The following AFF3 variants were observed in gnomAD, a reference collection of about 807,000 sequenced individuals.
The protein encoded by AFF3 is AF4/FMR2 family member 3.
AFF3 carries 32 observed loss-of-function variants against 129.7 expected under a neutral mutation model. The ratio of observed to expected loss-of-function variants is 0.25; its 90% CI spans 0.19 to 0.33. The LOEUF is 0.33. Among genes scored for constraint, AFF3 ranks in the 10% least tolerant of loss-of-function variants. The pLI is 1.00. For synonymous variants in AFF3, 644 were observed against 635.4 expected (o/e 1.01, Z -0.20); for missense variants, 1,373 against 1,592.0 (o/e 0.86, Z 2.34).
In AFF3 at chr2:99,896,995, C is replaced by T. The variant is rs114054995; in HGVS notation, c.874-59471G>A. Among the ~76,000 whole-genome samples the T allele has an allele frequency of 3.7e-3, 560 of 152,220 alleles. 1 individual carries two copies. The highest frequency in any genetic ancestry group is 0.013 in the African/African-American group (539 of 41,544). The stretch of plus-strand genomic sequence containing the variant: ...TCCCAGGTGTACATGAACTGTTTTG[C>T]AAGTACACCCCGTGAATTTTAAAGA... On this transcript the variant is annotated intron_variant, in intron 7 of 24. Transcript: ENST00000672756.
chr2:99,554,869 A>G (rs1674773649), intron 22 of AFF3, 137 bp from the exon 23 acceptor site: 7 of 920,740 alleles, frequency 7.6e-6, no homozygotes, highest in Non-Finnish European at 1.2e-5. Context: ...GAGAAACTGG[A>G]CCTGGGAAGT....
At chr2:100,021,734 T>C (rs529479423) in intron 4 of AFF3, among the ~76,000 whole-genome samples, 53 of 152,324 alleles carry the variant, frequency 3.5e-4, no homozygotes, top group African/African-American at 1.2e-3. Context: ...TTATGCTCAT[T>C]TTATAGATAA....
At chr2:99,901,851 C>A (rs549719895) in intron 7 of AFF3, among the ~76,000 whole-genome samples, 1 of 152,150 alleles carries the variant, frequency 6.6e-6, no homozygotes, top group East Asian at 1.9e-4. Flanking sequence ...TAGCTGTGCC[C>A]CCCAGAGCAG....
At chr2:99,811,113 C>T (rs190017629) in intron 8 of AFF3, among the ~76,000 whole-genome samples, 1 of 152,284 alleles carries the variant, frequency 6.6e-6, no homozygotes, top group East Asian at 1.9e-4. Flanking sequence ...GAGGGACGTG[C>T]TTTTCTGCCT....
At chr2:99,685,211 G>A (rs1375928509) in intron 11 of AFF3, among the ~76,000 whole-genome samples, 19 of 152,140 alleles carry the variant, frequency 1.2e-4, no homozygotes, top group Admixed American at 1.2e-3. Context: ...AAAGTGCTGG[G>A]ATTACAGGCC....
intron 8 of AFF3, among the ~76,000 whole-genome samples, chr2:99,767,945 G>A (rs915579702): frequency 3.9e-5 from 6 of 152,180 alleles, no homozygotes; most frequent in African/African-American, 1.4e-4. Flanking sequence ...AGCAGAGTGG[G>A]ATGTCTCTGG....
rs556878438 is a variant in AFF3 at position 99,698,657 on chromosome 2, C to T, written c.1092-26068G>A. Among the ~76,000 whole-genome samples the T allele has an allele frequency of 6.8e-4, 104 of 152,288 alleles. 1 individual carries two copies. The highest frequency in any genetic ancestry group is 1.1e-3 in the Non-Finnish European group (76 of 68,032). On this transcript the variant is annotated intron_variant, in intron 11 of 24. Coordinates refer to ENST00000672756, the MANE Select transcript of AFF3 (RefSeq NM_001386135.1). ...CCAAGGCTTTAATGGATAGAGTTAG[C>T]ACTCTTCTGCAAGGAGAAATTGCTC...
intron 11 of AFF3, among the ~76,000 whole-genome samples, chr2:99,704,439 C>T (rs1186675027): frequency 6.6e-6 from 1 of 152,136 alleles, no homozygotes; most frequent in Non-Finnish European, 1.5e-5. Flanking sequence ...CTAACATGTG[C>T]CACTTCAGCT....
At chr2:100,054,857 C>A (rs758632795) in intron 4 of AFF3, among the ~76,000 whole-genome samples, 2 of 152,198 alleles carry the variant, frequency 1.3e-5, no homozygotes, top group Non-Finnish European at 1.5e-5. Flanking sequence ...GCTCTAAGGG[C>A]AGTGGAGGTC....
chr2:99,920,501 A>C (rs1001221955), intron 7 of AFF3, among the ~76,000 whole-genome samples: 3 of 152,060 alleles, frequency 2.0e-5, no homozygotes, highest in Non-Finnish European at 4.4e-5. Flanking sequence ...CAGTTGTGTT[A>C]CTACACCCAT....
At chr2:99,716,991 T>C (rs924755609) in intron 11 of AFF3, among the ~76,000 whole-genome samples, 5 of 152,154 alleles carry the variant, frequency 3.3e-5, no homozygotes, top group African/African-American at 1.2e-4. Flanking sequence ...TAAAGCAAAT[T>C]TTACAGTATA....
chr2:100,033,097 A>G (rs574609984), intron 4 of AFF3, among the ~76,000 whole-genome samples: 45 of 152,316 alleles, frequency 3.0e-4, no homozygotes, highest in African/African-American at 1.0e-3. Flanking sequence ...GGGAGCAAGT[A>G]CGTCACATCC....
chr2:99,958,107 C>T (rs551332935), intron 7 of AFF3, among the ~76,000 whole-genome samples: 3 of 152,056 alleles, frequency 2.0e-5, no homozygotes, highest in Non-Finnish European at 4.4e-5. Flanking sequence ...CAAACAAGAC[C>T]GAACAGACAG....
chr2:99,735,520 T>C (rs938725971), intron 10 of AFF3, among the ~76,000 whole-genome samples: 13 of 152,118 alleles, frequency 8.5e-5, no homozygotes, highest in African/African-American at 2.9e-4. Context: ...AGAGACGGAG[T>C]CTCACTCTGT....
chr2:100,124,581 C>T (rs1162704744), intron 2 of AFF3, among the ~76,000 whole-genome samples: 2 of 151,584 alleles, frequency 1.3e-5, no homozygotes, highest in South Asian at 2.1e-4. Flanking sequence ...CCAATCCAGA[C>T]CCCTGATAGC....
intron 12 of AFF3, among the ~76,000 whole-genome samples, chr2:99,671,905 C>T (rs1413647017): frequency 1.3e-5 from 2 of 152,096 alleles, no homozygotes; most frequent in Admixed American, 6.5e-5. Context: ...ACTGACTGAT[C>T]AGAAGAGTAT....
chr2:99,829,056 T>G (rs1381518235), intron 8 of AFF3, among the ~76,000 whole-genome samples: 1 of 152,192 alleles, frequency 6.6e-6, no homozygotes, highest in Non-Finnish European at 1.5e-5. Flanking sequence ...CTAATTTTGA[T>G]ATAAACAAGA....
chr2:99,655,573 G>A (rs886712581), intron 12 of AFF3, among the ~76,000 whole-genome samples: 1 of 152,130 alleles, frequency 6.6e-6, no homozygotes, highest in African/African-American at 2.4e-5. Flanking sequence ...GACAGCAGCA[G>A]AGCAAGATGA....
chr2:99,867,564 A>G (rs1691509797), intron 7 of AFF3, among the ~76,000 whole-genome samples: 1 of 98,584 alleles, frequency 1.0e-5, no homozygotes, highest in Non-Finnish European at 2.0e-5. Flanking sequence ...CCCAAGGCCT[A>G]TATTTCTATA....
Sources: allele counts gnomAD v4.1 joint callset (sites outside exome capture counted in the v4.1 genomes callset), GRCh38; gene constraint gnomAD v4.1.1; transcripts MANE v1.5; gene names NCBI Gene and HGNC (gene_info 2026-07-23, HGNC 2026-07-21).